Variants in EXT1 observed in about 807,000 individuals in gnomAD.
The protein encoded by EXT1 is exostosin glycosyltransferase 1.
Under a neutral mutation model 82.5 loss-of-function variants are expected in EXT1, and 20 were observed. The observed-to-expected ratio is 0.24, with a 90% CI of 0.17 to 0.35. The LOEUF is 0.35. EXT1 is among the 10% of genes least tolerant of loss of function. The probability of loss-of-function intolerance (pLI) is 1.00; values close to 1 mark genes in which losing one functional copy is unlikely to be tolerated. For synonymous variants in EXT1, 348 were observed against 350.8 expected, an observed-to-expected ratio of 0.99 and a Z score of 0.09; for missense variants, 757 against 936.5, an observed-to-expected ratio of 0.81 and a Z score of 2.50.
At chr8:117,847,086 T>C (rs997098894) in intron 1 of EXT1, among the ~76,000 whole-genome samples, 2 of 152,140 alleles carry the variant, frequency 1.3e-5, no homozygotes, top group African/African-American at 4.8e-5. Flanking sequence ...AACAACTACC[T>C]TAAGGGCCGG....
chr8:117,973,790 A>T (rs1178128192), intron 1 of EXT1, among the ~76,000 whole-genome samples: 1 of 143,832 alleles, frequency 7.0e-6, no homozygotes, highest in Admixed American at 7.1e-5. Context: ...GAGATGAAAG[A>T]AAAGAAAAGA....
intron 1 of EXT1, among the ~76,000 whole-genome samples, chr8:117,947,354 A>G (rs891759286): frequency 2.0e-5 from 3 of 152,178 alleles, no homozygotes; most frequent in African/African-American, 7.2e-5. Context: ...TAATGTTTAC[A>G]TGAAAAATAT....
At chr8:117,946,328 C>G (rs1365178012) in intron 1 of EXT1, among the ~76,000 whole-genome samples, 4 of 152,164 alleles carry the variant, frequency 2.6e-5, no homozygotes, top group African/African-American at 9.7e-5. Context: ...CAGTTTTCCC[C>G]TTGGCATAAA....
chr8:117,886,215 T>A (rs1220055879), intron 1 of EXT1, among the ~76,000 whole-genome samples: 1 of 152,136 alleles, frequency 6.6e-6, no homozygotes, highest in African/African-American at 2.4e-5. Context: ...CAGAATAAAG[T>A]TTTTGTTTGT....
chr8:118,107,503 T>C (rs1363580321), intron 1 of EXT1, among the ~76,000 whole-genome samples: 1 of 152,184 alleles, frequency 6.6e-6, no homozygotes, highest in African/African-American at 2.4e-5. Context: ...CTAACTTCAA[T>C]ATCGCCTCCA....
chr8:117,898,975 T>C (rs984293079), intron 1 of EXT1, among the ~76,000 whole-genome samples: 2 of 152,094 alleles, frequency 1.3e-5, no homozygotes, highest in African/African-American at 4.8e-5. Context: ...TTTTACCCTC[T>C]AAATCTGAAG....
intron 1 of EXT1, among the ~76,000 whole-genome samples, chr8:117,962,605 T>A (rs527404180): frequency 6.6e-6 from 1 of 152,138 alleles, no homozygotes; most frequent in South Asian, 2.1e-4. Context: ...ATGCAAAAAT[T>A]AGCTGGGCTT....
At chr8:118,046,731 C>T (rs1247489762) in intron 1 of EXT1, among the ~76,000 whole-genome samples, 2 of 152,110 alleles carry the variant, frequency 1.3e-5, no homozygotes, top group African/African-American at 4.8e-5. Flanking sequence ...ATCTGTAAAC[C>T]TCCCCAAATA....
chr8:117,873,850 C>T (rs1460177612), intron 1 of EXT1, among the ~76,000 whole-genome samples: 1 of 152,184 alleles, frequency 6.6e-6, no homozygotes, highest in Non-Finnish European at 1.5e-5. Context: ...ATGAGTTTAT[C>T]AACACTCAAA....
chr8:118,087,068 G>A (rs937339914), intron 1 of EXT1, among the ~76,000 whole-genome samples: 5 of 152,214 alleles, frequency 3.3e-5, no homozygotes, highest in African/African-American at 1.2e-4. Flanking sequence ...CAACTTCAGA[G>A]GATGAATTCG....
chr8:118,023,232 A>G (rs1382001331), intron 1 of EXT1, among the ~76,000 whole-genome samples: 2 of 152,226 alleles, frequency 1.3e-5, no homozygotes, highest in East Asian at 3.8e-4. Context: ...GAAATTATTC[A>G]CTTAAGACAG....
chr8:117,822,715 C>T, intron 4 of EXT1, 118 bp from the exon 5 acceptor site: 1 of 1,052,374 alleles, frequency 9.5e-7, no homozygotes, highest in South Asian at 1.3e-5. Flanking sequence ...TACCCTCCCT[C>T]CCACTTTAAT....
chr8:117,900,764 CA>C (rs1355535846), intron 1 of EXT1, among the ~76,000 whole-genome samples: 3 of 152,136 alleles, frequency 2.0e-5, no homozygotes, highest in Non-Finnish European at 4.4e-5. Context: ...ACACATTCAG[CA>C]ATAGGAAATT....
intron 8 of EXT1, among the ~76,000 whole-genome samples, chr8:117,812,022 G>A (rs1249378553): frequency 6.6e-6 from 1 of 152,146 alleles, no homozygotes; most frequent in Non-Finnish European, 1.5e-5. Flanking sequence ...GAAAATGCAG[G>A]TTACACTGAT....
intron 1 of EXT1, among the ~76,000 whole-genome samples, chr8:117,894,083 T>C (rs1234232265): frequency 6.6e-6 from 1 of 152,202 alleles, no homozygotes; most frequent in Non-Finnish European, 1.5e-5. Flanking sequence ...TCCCCACTTG[T>C]TCAAGTATGT....
intron 1 of EXT1, among the ~76,000 whole-genome samples, chr8:117,930,678 T>C (rs2447537): frequency 0.76 from 116,326 of 152,140 alleles, 45,435 homozygotes; most frequent in African/African-American, 0.91. Flanking sequence ...TTGTCAGAGG[T>C]GTTTGAACCA....
intron 1 of EXT1, among the ~76,000 whole-genome samples, chr8:117,895,291 C>A (rs1813316380): frequency 6.6e-6 from 1 of 152,110 alleles, no homozygotes; most frequent in Non-Finnish European, 1.5e-5. Flanking sequence ...CAGTCATGAC[C>A]ATAGGAGTTA....
chr8:118,031,737 T>A (rs996086811), intron 1 of EXT1, among the ~76,000 whole-genome samples: 1 of 151,962 alleles, frequency 6.6e-6, no homozygotes. Context: ...TCTCCCTCCA[T>A]ACCTGCCCCT....
chr8:118,010,636 C>T (rs1361621423), intron 1 of EXT1, among the ~76,000 whole-genome samples: 1 of 152,162 alleles, frequency 6.6e-6, no homozygotes, highest in Admixed American at 6.5e-5. Flanking sequence ...CATTCAGGTC[C>T]TTTAGGAGCA....
Sources: allele counts gnomAD v4.1 joint callset (sites outside exome capture counted in the v4.1 genomes callset), GRCh38; gene constraint gnomAD v4.1.1; transcripts MANE v1.5; gene names NCBI Gene and HGNC (gene_info 2026-07-23, HGNC 2026-07-21).